The following PTPN5 variants were observed in gnomAD, a reference collection of about 807,000 sequenced individuals.
PTPN5 encodes the protein tyrosine-protein phosphatase non-receptor type 5.
A neutral mutation model predicts 73.9 loss-of-function variants in PTPN5; 29 were observed. The observed-to-expected ratio is 0.39, with a 90% CI of 0.29 to 0.54. The LOEUF is 0.54. Ranked by LOEUF, PTPN5 falls within the 20% of genes least tolerant of loss-of-function variation. The probability of loss-of-function intolerance (pLI) is 0.65; values close to 1 mark genes in which losing one functional copy is unlikely to be tolerated. For synonymous variants in PTPN5, 267 were observed against 304.7 expected (o/e 0.88, Z 1.29); for missense variants, 652 against 751.4 (o/e 0.87, Z 1.55).
At chr11:18,785,767 A>G (rs1196399127) in intron 1 of PTPN5, among the ~76,000 whole-genome samples, 1 of 151,668 alleles carries the variant, frequency 6.6e-6, no homozygotes, top group Non-Finnish European at 1.5e-5. Flanking sequence ...TGTCTCTCTA[A>G]TGACTCCAAC....
upstream of PTPN5, chr11:18,792,448 C>A (rs1171202478): frequency 1.3e-5 from 2 of 152,428 alleles, no homozygotes; most frequent in African/African-American, 4.8e-5. Flanking sequence ...GACAGCCCCT[C>A]CCTCCACTGA....
At chr11:18,775,952 G>C (rs1851131220) in intron 1 of PTPN5, among the ~76,000 whole-genome samples, 1 of 152,210 alleles carries the variant, frequency 6.6e-6, no homozygotes, top group South Asian at 2.1e-4. Flanking sequence ...ATTATTAAGA[G>C]AGTCCAGGTT....
intron 1 of PTPN5, among the ~76,000 whole-genome samples, chr11:18,777,986 GAAA>G (rs1438644798): frequency 3.2e-4 from 44 of 139,256 alleles, no homozygotes; most frequent in East Asian, 2.0e-3. Flanking sequence ...AAGAAAGAAA[GAAA>G]GAAAGGAAGG....
intron 1 of PTPN5, among the ~76,000 whole-genome samples, chr11:18,774,659 T>C (rs1302228973): frequency 6.6e-6 from 1 of 152,230 alleles, no homozygotes; most frequent in Non-Finnish European, 1.5e-5. Flanking sequence ...GCTAGCTGCA[T>C]AGGCAGCATT....
intron 2 of PTPN5, among the ~76,000 whole-genome samples, chr11:18,766,811 T>C (rs2134303688): frequency 6.6e-6 from 1 of 152,294 alleles, no homozygotes; most frequent in South Asian, 2.1e-4. Flanking sequence ...CCCTTGGCAG[T>C]AGCTGATGAC....
chr11:18,740,926 A>G, intron 7 of PTPN5, 134 bp from the exon 8 acceptor site: 1 of 478,316 alleles, frequency 2.1e-6, no homozygotes, highest in Non-Finnish European at 3.6e-6. Flanking sequence ...GAGGAGTGGG[A>G]GTGTGACAAG....
intron 3 of PTPN5, among the ~76,000 whole-genome samples, chr11:18,765,308 G>T (rs887961778): frequency 6.6e-6 from 1 of 151,860 alleles, no homozygotes; most frequent in South Asian, 2.1e-4. Flanking sequence ...ATATCTCCAC[G>T]GTGGCTGCAA....
rs888911154 is a variant in PTPN5 at position 18,791,798 on chromosome 11, C to A, written c.-387G>T. 4 of 152,138 alleles carry A rather than the reference C, an allele frequency of 2.6e-5. No individual in the cohort carries two copies. The highest frequency in any genetic ancestry group is 9.7e-5 in the African/African-American group (4 of 41,434). The allele number at this position is 152,138 out of a possible 1,614,324, so 9.4% of individuals were successfully genotyped here. On this transcript the variant is annotated 5_prime_UTR_variant, in exon 1 of 15. Coordinates refer to ENST00000358540, the MANE Select transcript of PTPN5 (RefSeq NM_006906.2). ...ACCAAATGCGCTTCAGCTGCAGAGT[C>A]GCTGGCGCAGCCGCCGGGTGGGTTT... is the stretch of plus-strand genomic sequence containing the variant.
intron 3 of PTPN5, among the ~76,000 whole-genome samples, chr11:18,752,384 G>A (rs1270718552): frequency 6.6e-6 from 1 of 152,008 alleles, no homozygotes; most frequent in Non-Finnish European, 1.5e-5. Context: ...GTGAGGGAGA[G>A]GCAGCAGTAA....
In PTPN5 at chr11:18,733,490, G is replaced by A. The variant is rs1564887601; in HGVS notation, c.1080+66C>T. On this transcript the variant is annotated intron_variant, in intron 10 of 14. Coordinates refer to ENST00000358540, the MANE Select transcript of PTPN5 (RefSeq NM_006906.2). The surrounding 1 kb of genome is among the most constrained non-coding windows in gnomAD (Gnocchi z 4.3). ...GCCAGACTGGTGTAGGGACAAGGCT[G>A]GAGGATGGATCCCATCGACTCAGGC... is the stretch of plus-strand genomic sequence containing the variant. 11 of 1,612,398 alleles carry A rather than the reference G, an allele frequency of 6.8e-6. No individual in the cohort carries two copies. Among genetic ancestry groups the A allele is most frequent in the Non-Finnish European group, 9.3e-6 (11 of 1,178,626 alleles).
chr11:18,770,662 T>G (rs900873702), intron 2 of PTPN5, among the ~76,000 whole-genome samples: 1 of 152,258 alleles, frequency 6.6e-6, no homozygotes, highest in South Asian at 2.1e-4. Flanking sequence ...CAATCCTTTC[T>G]GCGCTCTGGG....
Position 18,743,304 on chromosome 11 carries a change from T to C in PTPN5, c.399+18A>G. The C allele has an allele frequency of 6.2e-7, 1 of 1,611,498 alleles. No individual in the cohort carries two copies. The highest frequency in any genetic ancestry group is 8.5e-7 in the Non-Finnish European group (1 of 1,177,684). On this transcript the variant is annotated intron_variant, in intron 5 of 14. Coordinates refer to ENST00000358540, the MANE Select transcript of PTPN5 (RefSeq NM_006906.2). ...CAACAGATCCCTGCTACCCTAGGACTCCCCAAAGCTTACTTACCGTGGGTT... is the reference window on the plus strand; with the variant it reads ...CAACAGATCCCTGCTACCCTAGGACCCCCCAAAGCTTACTTACCGTGGGTT...
rs551505557 is a variant in PTPN5 at position 18,745,671 on chromosome 11, T to G, written c.98-1472A>C. ...ATGCCTCTCTTTCATATCATCATCA[T>G]CATCAGCAGCAGCAGCAATATGCCT... On this transcript the variant is annotated intron_variant, in intron 3 of 14. Coordinates refer to ENST00000358540, the MANE Select transcript of PTPN5 (RefSeq NM_006906.2). Among the ~76,000 whole-genome samples, 157 of 152,238 alleles carry G rather than the reference T, an allele frequency of 1.0e-3. 1 individual carries two copies. The highest frequency in any genetic ancestry group is 8.9e-3 in the South Asian group (43 of 4,816).
At chr11:18,767,750 A>C (rs1297487226) in intron 2 of PTPN5, among the ~76,000 whole-genome samples, 1 of 152,262 alleles carries the variant, frequency 6.6e-6, no homozygotes, top group African/African-American at 2.4e-5. Context: ...TCTTGAAAAA[A>C]TATTTTCATG....
In PTPN5 at chr11:18,772,038, A is replaced by G; in HGVS notation, c.-80T>C. The G allele has an allele frequency of 8.8e-7, 1 of 1,136,430 alleles. No individual in the cohort carries two copies. The highest frequency in any genetic ancestry group is 1.3e-6 in the Non-Finnish European group (1 of 796,302). 70.4% of individuals were successfully genotyped at this position (1,136,430 alleles called of 1,614,324 possible). A position where few individuals can be genotyped will look rare whatever the true frequency, so the allele number is the denominator to read the frequency against. ...CAGCAAAAAGCAAGCTGGTGATATA[A>G]ATGAAGGAGAGAGGGCAGCTTCAGA... is the stretch of plus-strand genomic sequence containing the variant. On this transcript the variant is annotated 5_prime_UTR_variant, in exon 2 of 15. Coordinates refer to ENST00000358540, the MANE Select transcript of PTPN5 (RefSeq NM_006906.2).
intron 1 of PTPN5, 107 bp from the exon 2 acceptor site, chr11:18,772,178 C>T (rs763563414): frequency 6.6e-5 from 35 of 531,388 alleles, no homozygotes; most frequent in Admixed American, 8.5e-5. Flanking sequence ...CTGGGAGTCA[C>T]CTTTCTCCTC....
At chr11:18,732,778 C>T (rs1409745018) in intron 11 of PTPN5, 76 bp from the exon 12 acceptor site, 6 of 1,230,776 alleles carry the variant, frequency 4.9e-6, no homozygotes, top group South Asian at 1.3e-5. Flanking sequence ...TCAGGGCCAG[C>T]GGAGAGATAC....
intron 3 of PTPN5, among the ~76,000 whole-genome samples, chr11:18,755,632 A>T (rs1850096610): frequency 6.6e-6 from 1 of 152,034 alleles, no homozygotes; most frequent in Non-Finnish European, 1.5e-5. Context: ...CTGATGCACA[A>T]TTCCAAATGG....
intron 3 of PTPN5, among the ~76,000 whole-genome samples, chr11:18,746,113 T>G (rs1292348408): frequency 7.0e-6 from 1 of 143,534 alleles, no homozygotes; most frequent in Admixed American, 7.2e-5. Context: ...TTTTTTTGCC[T>G]GATAAATGGA....
Sources: gnomAD v4.1 joint callset for allele counts (sites outside exome capture counted in the v4.1 genomes callset) on GRCh38, gnomAD v4.1.1 for gene constraint, Gnocchi (gnomAD v3.1) non-coding constraint, MANE v1.5 for transcripts, NCBI Gene and HGNC (gene_info 2026-07-23, HGNC 2026-07-21) for gene names.